The following CKAP5 variants were observed in gnomAD, a reference collection of about 807,000 sequenced individuals.
The protein encoded by CKAP5 is cytoskeleton associated protein 5, also known as cytoskeleton-associated protein 5.
Under a neutral mutation model 232.8 loss-of-function variants are expected in CKAP5, and 27 were observed. That is an observed-to-expected ratio of 0.12 (90% confidence interval 0.09 to 0.16). CKAP5 has a LOEUF of 0.16. Ranked by LOEUF, CKAP5 falls within the 10% of genes least tolerant of loss-of-function variation. The pLI, the probability that CKAP5 is intolerant of heterozygous loss-of-function variation, is 1.00. For synonymous variants in CKAP5, 785 were observed against 841.1 expected (o/e 0.93, Z 1.16); for missense variants, 1,838 against 2,424.7 (o/e 0.76, Z 5.08).
At position 46,770,908 on chromosome 11, in the gene CKAP5, A is replaced by G. The variant is rs764231575; in HGVS notation, c.3066T>C (p.His1022=). 1.2e-6 allele frequency: 2 copies of G among 1,614,130 alleles called. No homozygotes were observed. The highest frequency in any genetic ancestry group is 2.2e-5 in the South Asian group (2 of 91,080). ...TTCGATCTTCTAGGCAGGAGTAGAG[A>G]TGAGGAACACAAAGGATAAGGTCTG... ...TPTDLILCVP[H]LYSCLEDRNG... Residue 1022 remains histidine (H), a synonymous_variant, in exon 25 of 44, where the codon CAT becomes CAC. Transcript: ENST00000529230.
At chr11:46,783,469 C>T in intron 17 of CKAP5, 101 bp from the exon 18 acceptor site, 1 of 664,978 alleles carries the variant, frequency 1.5e-6, no homozygotes, top group Admixed American at 2.7e-5. Flanking sequence ...TTTTCTGACG[C>T]TAAAACAACT....
At chr11:46,813,433 A>G (rs1003763198) in intron 4 of CKAP5, among the ~76,000 whole-genome samples, 1 of 152,178 alleles carries the variant, frequency 6.6e-6, no homozygotes, top group African/African-American at 2.4e-5. Context: ...GAGCAAGTCC[A>G]CATGGAAAAT....
chr11:46,779,448 T>C (rs957342006), intron 20 of CKAP5, among the ~76,000 whole-genome samples: 2 of 152,030 alleles, frequency 1.3e-5, no homozygotes, highest in Non-Finnish European at 2.9e-5. Flanking sequence ...CATCAATTTC[T>C]TATGAACTCT....
rs1290763401 is a variant in CKAP5 at position 46,778,207 on chromosome 11, T to C, written c.2680A>G (p.Ile894Val). ...VAGIINDAKFIQPNIGELPTA... is the reference protein window; with the variant it reads ...VAGIINDAKFVQPNIGELPTA... ...GGAAGTTCACCTATATTCGGTTGGA[T>C]AAATTTTGCGTCATTAATAATACCT... The change falls in exon 22 of 44, where the codon ATC (isoleucine) becomes GTC (valine). Residue 894 changes from isoleucine (I) to valine (V), a missense_variant. Coordinates refer to ENST00000529230, the MANE Select transcript of CKAP5 (RefSeq NM_001008938.4). 1 of 1,613,990 alleles carries C rather than the reference T, an allele frequency of 6.2e-7. No homozygotes were observed. The highest frequency in any genetic ancestry group is 1.3e-5 in the African/African-American group (1 of 74,928).
chr11:46,783,107 AAGCC>A, intron 18 of CKAP5, 163 bp downstream of exon 18: 1 of 403,580 alleles, frequency 2.5e-6, no homozygotes, highest in East Asian at 3.9e-5. Flanking sequence ...GCAGGAACAC[AAGCC>A]AATATAGACC....
At chr11:46,816,775 G>T (rs1186283532) in intron 3 of CKAP5, among the ~76,000 whole-genome samples, 1 of 145,148 alleles carries the variant, frequency 6.9e-6, no homozygotes, top group African/African-American at 2.5e-5. Context: ...GTTACAGAAT[G>T]CTTGCTTTCA....
intron 8 of CKAP5, among the ~76,000 whole-genome samples, chr11:46,805,107 C>T (rs1349765783): frequency 6.6e-6 from 1 of 151,392 alleles, no homozygotes; most frequent in African/African-American, 2.4e-5. Context: ...TGGTGGCACG[C>T]GCCTGTAATC....
At chr11:46,837,461 T>C (rs538079917) in intron 1 of CKAP5, among the ~76,000 whole-genome samples, 1 of 152,258 alleles carries the variant, frequency 6.6e-6, no homozygotes, top group Non-Finnish European at 1.5e-5. Context: ...ATTTCTTTGC[T>C]CTAACAGTTG....
At chr11:46,753,258 T>C in intron 37 of CKAP5, 52 bp downstream of exon 37, 1 of 1,445,300 alleles carries the variant, frequency 6.9e-7, no homozygotes, top group Non-Finnish European at 9.4e-7. Flanking sequence ...TTTCTAAGTG[T>C]AAACAAAAGC....
In CKAP5 at chr11:46,763,508, A is replaced by G. The variant is rs118105517; in HGVS notation, c.3660T>C (p.His1220=). 8,342 of 1,602,432 alleles carry G rather than the reference A, an allele frequency of 5.2e-3. 32 individuals carry two copies. The highest frequency in any genetic ancestry group is 5.9e-3 in the Non-Finnish European group (6,973 of 1,176,344). ...DEMFHSDFQH[H]NKALAVMVDH... Reference sequence around the variant, plus strand: ...CAACCATAACAGCAAGGGCTTTGTTATGATGCTGAAAGTCTGAGTGAAACA... The same window carrying G: ...CAACCATAACAGCAAGGGCTTTGTTGTGATGCTGAAAGTCTGAGTGAAACA... Residue 1220 remains histidine, a synonymous_variant, in exon 29 of 44, where the codon CAT becomes CAC. Coordinates refer to ENST00000529230, the MANE Select transcript of CKAP5 (RefSeq NM_001008938.4).
chr11:46,845,155 T>C (rs570231203), intron 1 of CKAP5, among the ~76,000 whole-genome samples: 1 of 152,322 alleles, frequency 6.6e-6, no homozygotes, highest in African/African-American at 2.4e-5. Context: ...ATTGGCTCTT[T>C]AGGTCAAAAG....
chr11:46,745,906 C>T (rs1432712016), intron 42 of CKAP5, among the ~76,000 whole-genome samples: 5 of 151,972 alleles, frequency 3.3e-5, no homozygotes, highest in Admixed American at 3.3e-4. Context: ...GAGCCGAGAT[C>T]GCACCACTGT....
intron 12 of CKAP5, 81 bp downstream of exon 12, chr11:46,796,731 C>CTA: frequency 6.5e-7 from 1 of 1,527,552 alleles, no homozygotes; most frequent in Non-Finnish European, 8.9e-7. Context: ...TACCAGTACT[C>CTA]TATAACTGTC....
At chr11:46,788,295 C>T (rs1412198952) in intron 16 of CKAP5, among the ~76,000 whole-genome samples, 1 of 152,272 alleles carries the variant, frequency 6.6e-6, no homozygotes. Flanking sequence ...CATTACCAAG[C>T]TGGGCGCGGT....
chr11:46,762,773 A>G lies in CKAP5; in HGVS notation c.3892-11T>C. The G allele has an allele frequency of 6.2e-7, 1 of 1,613,054 alleles. No individual in the cohort carries two copies. The highest frequency in any genetic ancestry group is 8.5e-7 in the Non-Finnish European group (1 of 1,179,244). ...CTTTGGTTCTCCAACCTAGTCGATA[A>G]GGAAAATAATGATTAAGTGAGGCAT... On this transcript the variant is annotated splice_polypyrimidine_tract_variant and intron_variant, in intron 30 of 43. Transcript: ENST00000529230.
chr11:46,810,464 A>G (rs1344442257), intron 5 of CKAP5, among the ~76,000 whole-genome samples: 1 of 151,956 alleles, frequency 6.6e-6, no homozygotes, highest in Non-Finnish European at 1.5e-5. Context: ...CTGTGCTACC[A>G]TGCTTGGCTA....
At chr11:46,790,616 A>C in intron 13 of CKAP5, 33 bp from the exon 14 acceptor site, 1 of 1,423,222 alleles carries the variant, frequency 7.0e-7, no homozygotes, top group Non-Finnish European at 9.8e-7. Flanking sequence ...AAATTAAACC[A>C]CCTAAGGATT....
Position 46,762,766 on chromosome 11 carries a change from G to A in CKAP5, c.3892-4C>T. 1.2e-6 allele frequency: 2 copies of A among 1,613,342 alleles called. No individual in the cohort carries two copies. Among genetic ancestry groups the A allele is most frequent in the Non-Finnish European group, 1.7e-6 (2 of 1,179,474 alleles). On this transcript the variant is annotated splice_region_variant and splice_polypyrimidine_tract_variant and intron_variant, in intron 30 of 43. Transcript: ENST00000529230. ...TGACATCCTTTGGTTCTCCAACCTA[G>A]TCGATAAGGAAAATAATGATTAAGT...
intron 2 of CKAP5, chr11:46,820,951 T>C (rs1939509891): frequency 4.0e-6 from 2 of 498,574 alleles, no homozygotes; most frequent in Non-Finnish European, 7.0e-6. Flanking sequence ...TACCACTTAC[T>C]TTTCACTTCA....
Sources: gnomAD v4.1 joint callset for allele counts (sites outside exome capture counted in the v4.1 genomes callset) on GRCh38, gnomAD v4.1.1 for gene constraint, MANE v1.5 for transcripts, NCBI Gene and HGNC (gene_info 2026-07-23, HGNC 2026-07-21) for gene names.